The following METTL3 variants were observed in gnomAD, a reference collection of about 807,000 sequenced individuals.
The protein encoded by METTL3 is methyltransferase 3, N6-adenosine-methyltransferase complex catalytic subunit, also known as N(6)-adenosine-methyltransferase catalytic subunit METTL3.
In METTL3, 42 loss-of-function variants were observed where a neutral mutation model predicts 64.3. The ratio of observed to expected loss-of-function variants is 0.65; its 90% confidence interval spans 0.51 to 0.84. METTL3 has a LOEUF of 0.84. Among genes scored for constraint, METTL3 ranks in the 40% least tolerant of loss-of-function variants. The pLI is 0.00. For synonymous variants in METTL3, 256 were observed against 263.6 expected, an observed-to-expected ratio of 0.97 and a Z score of 0.28; for missense variants, 435 against 722.3, an observed-to-expected ratio of 0.60 and a Z score of 4.56.
intron 1 of METTL3, chr14:21,510,797 G>T: frequency 3.6e-6 from 1 of 275,894 alleles, no homozygotes. Flanking sequence ...AGGGGTTCTT[G>T]CTGCTTCGCG....
chr14:21,499,444 A>T (rs746493972), intron 8 of METTL3, 48 bp downstream of exon 8: 2 of 1,607,434 alleles, frequency 1.2e-6, no homozygotes, highest in Non-Finnish European at 1.7e-6. Flanking sequence ...AAATCAAATG[A>T]TTCTTCTTTG....
intron 1 of METTL3, 42 bp from the exon 2 acceptor site, chr14:21,503,923 G>C: frequency 6.4e-7 from 1 of 1,574,126 alleles, no homozygotes; most frequent in Non-Finnish European, 8.7e-7. Flanking sequence ...GGCAACCACT[G>C]TTGGTCTATA....
chr14:21,498,660 C>T (rs180978294), intron 10 of METTL3: 121 of 495,812 alleles, frequency 2.4e-4, no homozygotes, highest in African/African-American at 1.9e-3. Context: ...AAGCAAAATG[C>T]TAGCAGCATG....
At chr14:21,505,193 C>G (rs1891668564) in intron 1 of METTL3, among the ~76,000 whole-genome samples, 1 of 152,114 alleles carries the variant, frequency 6.6e-6, no homozygotes, top group South Asian at 2.1e-4. Flanking sequence ...CCTGTAGTCC[C>G]AGCTGCTGGG....
chr14:21,509,455 T>C (rs546893694), intron 1 of METTL3: 1 of 152,214 alleles, frequency 6.6e-6, no homozygotes, highest in East Asian at 1.9e-4. Flanking sequence ...CACAGGAAAA[T>C]TAAATAGGCT....
chr14:21,500,330 C>G (rs1451533697), intron 6 of METTL3, among the ~76,000 whole-genome samples, 165 bp downstream of exon 6: 3 of 151,286 alleles, frequency 2.0e-5, no homozygotes, highest in Non-Finnish European at 2.9e-5. Context: ...CACTACTGCA[C>G]TCCAGCCTAA....
intron 3 of METTL3, 70 bp downstream of exon 3, chr14:21,503,103 G>A (rs17106830): frequency 0.14 from 216,595 of 1,493,930 alleles, 16,982 homozygotes; most frequent in Admixed American, 0.28. Flanking sequence ...CCTTGCCCTA[G>A]GGGTAAATCC....
chr14:21,502,414 G>A lies in METTL3; in HGVS notation c.724-511C>T, dbSNP rs146234354. ...TCCTTCCTCACAAATATGCATTTGG[G>A]ATGAAATTAAAATGGAAGAGGCCTG... On this transcript the variant is annotated intron_variant, in intron 3 of 10. Coordinates refer to ENST00000298717, the MANE Select transcript of METTL3 (RefSeq NM_019852.5). 1,023 of 154,972 alleles carry A rather than the reference G, an allele frequency of 6.6e-3. 6 individuals carry two copies. Among genetic ancestry groups the A allele is most frequent in the Middle Eastern group, 0.024 (7 of 294 alleles). 9.6% of individuals were successfully genotyped at this position (154,972 alleles called of 1,614,324 possible).
intron 1 of METTL3, chr14:21,504,358 C>G (rs189036930): frequency 6.4e-6 from 1 of 157,312 alleles, no homozygotes; most frequent in Non-Finnish European, 1.4e-5. Context: ...CTATAACACT[C>G]ACAAACACAA....
chr14:21,502,065 G>T (rs1891583178), intron 3 of METTL3, among the ~76,000 whole-genome samples, 162 bp from the exon 4 acceptor site: 1 of 146,254 alleles, frequency 6.8e-6, no homozygotes, highest in Non-Finnish European at 1.5e-5. Flanking sequence ...ACCCAGGCCA[G>T]AGTGTAGTTG....
intron 1 of METTL3, chr14:21,510,863 T>G: frequency 2.3e-6 from 1 of 437,740 alleles, no homozygotes. Context: ...TGAAGAGGAG[T>G]GGGCAAGGCG....
intron 1 of METTL3, 63 bp downstream of exon 1, chr14:21,511,061 T>C: frequency 1.3e-6 from 2 of 1,571,956 alleles, no homozygotes; most frequent in African/African-American, 2.7e-5. Flanking sequence ...CTGGAGCTTT[T>C]TCTCTAGGGA....
In METTL3 at chr14:21,499,353, G is replaced by C; in HGVS notation, c.1471C>G (p.Pro491Ala). The C allele has an allele frequency of 6.2e-7, 1 of 1,614,134 alleles. No homozygotes were observed. Among genetic ancestry groups the C allele is most frequent in the Non-Finnish European group, 8.5e-7 (1 of 1,180,036 alleles). Residue 491 changes from proline (P) to alanine (A), a missense_variant, in exon 9 of 11, where the codon CCC (proline) becomes GCC (alanine). This residue lies in a region of METTL3 where 38 missense variants were observed against 102.3 expected (regional missense o/e 0.37). Coordinates refer to ENST00000298717, the MANE Select transcript of METTL3 (RefSeq NM_019852.5). ...EHCLVGVKGN[P>A]QGFNQGLDCD... The stretch of plus-strand genomic sequence containing the variant: ...TCCAGACCCTGGTTGAAGCCTTGGG[G>C]ATTTCCTTTGACACCAACCTGCTCA...
At chr14:21,509,102 G>T (rs951013715) in intron 1 of METTL3, among the ~76,000 whole-genome samples, 2 of 152,156 alleles carry the variant, frequency 1.3e-5, no homozygotes, top group African/African-American at 2.4e-5. Context: ...CACTTTGGGA[G>T]GCCAACGTGA....
intron 1 of METTL3, among the ~76,000 whole-genome samples, chr14:21,506,886 C>A (rs1891711343): frequency 6.6e-6 from 1 of 152,092 alleles, no homozygotes; most frequent in Non-Finnish European, 1.5e-5. Context: ...TAAAAATTAG[C>A]CAGGCAAGGT....
At chr14:21,499,905 C>T in intron 6 of METTL3, 103 bp from the exon 7 acceptor site, 1 of 1,049,484 alleles carries the variant, frequency 9.5e-7, no homozygotes, top group Non-Finnish European at 1.5e-6. Flanking sequence ...TCAGTAGACG[C>T]TCAGTGAACA....
Position 21,503,691 on chromosome 14 carries a change from A to T in METTL3, c.291T>A (p.Ala97=). The change falls in exon 2 of 11, where the codon GCT becomes GCA. Residue 97 remains alanine (A), a synonymous_variant. Coordinates refer to ENST00000298717, the MANE Select transcript of METTL3 (RefSeq NM_019852.5). ...SDLALTLPTD[A]VSICLAISTP... is the part of the protein sequence containing the mutation. ...TGGAGATGGCAAGACAGATGGACAC[A>T]GCATCAGTGGGCAATGTTAAGGCCA... The T allele has an allele frequency of 6.2e-7, 1 of 1,614,246 alleles. No homozygotes were observed. Among genetic ancestry groups the T allele is most frequent in the Non-Finnish European group, 8.5e-7 (1 of 1,180,032 alleles).
rs921125446 is a variant in METTL3, at chr14:21,498,610, C to T, written c.1632-241G>A. Reference sequence around the variant, plus strand: ...GGTTAGTAACTAATGCTTAGCCAGGCCTGCTTCACAGAGTTGCTACCAGGG... The same window carrying T: ...GGTTAGTAACTAATGCTTAGCCAGGTCTGCTTCACAGAGTTGCTACCAGGG... On this transcript the variant is annotated intron_variant, in intron 10 of 10. Transcript: ENST00000298717. 3 of 543,190 alleles carry T rather than the reference C, an allele frequency of 5.5e-6. No individual in the cohort carries two copies. The African/African-American group carries it at 5.7e-5, about 10-fold the overall frequency. 33.6% of individuals were successfully genotyped at this position (543,190 alleles called of 1,614,324 possible).
At position 21,499,820 on chromosome 14, in the gene METTL3, A is replaced by G. The variant is rs768651606; in HGVS notation, c.1305-18T>C. 6.2e-7 allele frequency: 1 copy of G among 1,611,712 alleles called. No homozygotes were observed. ...CCATGGCCCTAGAAAGAAATGAGTT[A>G]AACAACTATTTGTATGCCCATATTT... On this transcript the variant is annotated intron_variant, in intron 6 of 10. Transcript: ENST00000298717.
Sources: allele counts gnomAD v4.1 joint callset (sites outside exome capture counted in the v4.1 genomes callset), GRCh38; gene constraint gnomAD v4.1.1; regional missense constraint gnomAD v4.1.1; transcripts MANE v1.5; gene names NCBI Gene and HGNC (gene_info 2026-07-23, HGNC 2026-07-21).